Variants in NEXN observed in about 807,000 individuals in gnomAD.
The protein encoded by NEXN is nexilin F-actin binding protein, also known as nexilin.
Under a neutral mutation model 92.6 loss-of-function variants are expected in NEXN, and 65 were observed. The observed-to-expected ratio is 0.70, with a 90% CI of 0.57 to 0.86. The LOEUF is 0.86. NEXN is among the 40% of genes least tolerant of loss of function. The probability of loss-of-function intolerance (pLI) is 0.00; values close to 1 mark genes in which losing one functional copy is unlikely to be tolerated. For missense variants in NEXN, 778 were observed against 771.1 expected (o/e 1.01, Z -0.11); for synonymous variants, 254 against 242.5 (o/e 1.05, Z -0.44).
intron 1 of NEXN, among the ~76,000 whole-genome samples, chr1:77,905,133 G>C (rs932787086): frequency 3.3e-5 from 5 of 151,812 alleles, no homozygotes; most frequent in Non-Finnish European, 7.4e-5. Flanking sequence ...GTGGTGGTGC[G>C]TGCTTGTAGT....
intron 4 of NEXN, 42 bp from the exon 5 acceptor site, chr1:77,918,083 A>T (rs772246748): frequency 6.2e-7 from 1 of 1,612,870 alleles, no homozygotes; most frequent in Non-Finnish European, 8.5e-7. Context: ...TGCAAAATAG[A>T]AACATAACCA....
Position 77,942,703 on chromosome 1 carries a change from A to G in NEXN, c.1902A>G (p.Gly634=), listed in dbSNP as rs1402535699. The G allele has an allele frequency of 6.2e-7, 1 of 1,613,834 alleles. No individual in the cohort carries two copies. Among genetic ancestry groups the G allele is most frequent in the Non-Finnish European group, 8.5e-7 (1 of 1,179,768 alleles). ...DGEDYQYIER[G]ETYCLYLPET... is the part of the protein sequence containing the mutation. Reference sequence around the variant, plus strand: ...AAGACTATCAATATATTGAAAGGGGAGAAACTTACTGCCTTTACTTACCAG... The same window carrying G: ...AAGACTATCAATATATTGAAAGGGGGGAAACTTACTGCCTTTACTTACCAG... Residue 634 remains glycine (G), a synonymous_variant, in exon 13 of 13, where the codon GGA becomes GGG. Transcript: ENST00000334785.
chr1:77,908,698 G>A (rs1043270794), intron 1 of NEXN, among the ~76,000 whole-genome samples: 1 of 151,954 alleles, frequency 6.6e-6, no homozygotes, highest in African/African-American at 2.4e-5. Flanking sequence ...CCACAATTGT[G>A]TAAGTAATAC....
intron 5 of NEXN, 116 bp downstream of exon 5, chr1:77,918,389 G>T: frequency 8.1e-7 from 1 of 1,236,692 alleles, no homozygotes. Context: ...TTAAAAAGCA[G>T]CTAACCGTCT....
chr1:77,927,562 G>A (rs1267294408), intron 8 of NEXN, among the ~76,000 whole-genome samples: 2 of 151,966 alleles, frequency 1.3e-5, no homozygotes, highest in East Asian at 3.9e-4. Context: ...TTAAGTGTAT[G>A]TGTGTGCATA....
chr1:77,913,339 C>T (rs1188262581), intron 1 of NEXN, among the ~76,000 whole-genome samples: 18 of 151,324 alleles, frequency 1.2e-4, no homozygotes, highest in Admixed American at 3.9e-4. Context: ...TGCTTGAACC[C>T]GGGAGGCGGA....
In NEXN at chr1:77,943,243, A is replaced by C. The variant is rs1359518; in HGVS notation, c.*414A>C. 2.5e-3 allele frequency: 561 copies of C among 227,378 alleles called. 3 individuals carry two copies. Among genetic ancestry groups the C allele is most frequent in the Middle Eastern group, 0.011 (6 of 526 alleles). 14.1% of individuals were successfully genotyped at this position (227,378 alleles called of 1,614,324 possible). A position where few individuals can be genotyped will look rare whatever the true frequency, so the allele number is the denominator to read the frequency against. ...TATGTTTAAAAAACAAAAACAAAAA[A>C]AAAACACACAAACCTAAGTAGAATA... On this transcript the variant is annotated 3_prime_UTR_variant, in exon 13 of 13. Coordinates refer to ENST00000334785, the MANE Select transcript of NEXN (RefSeq NM_144573.4).
chr1:77,936,131 A>G (rs1571158200), intron 11 of NEXN, 87 bp downstream of exon 11: 2 of 1,015,300 alleles, frequency 2.0e-6, no homozygotes, highest in Non-Finnish European at 3.0e-6. Flanking sequence ...AATAAGTTTT[A>G]GTACTTAAAA....
At chr1:77,923,909 C>T (rs1649641814) in intron 5 of NEXN, among the ~76,000 whole-genome samples, 1 of 151,778 alleles carries the variant, frequency 6.6e-6, no homozygotes, top group African/African-American at 2.4e-5. Context: ...ATCTCTTGAC[C>T]TCGTGATCCG....
At chr1:77,904,449 G>A (rs74092327) in intron 1 of NEXN, among the ~76,000 whole-genome samples, 4,599 of 152,256 alleles carry the variant, frequency 0.03, 250 homozygotes, top group African/African-American at 0.11. Flanking sequence ...TTAAAATATA[G>A]TATAGACAGT....
intron 1 of NEXN, among the ~76,000 whole-genome samples, chr1:77,900,906 A>G (rs1383241384): frequency 1.2e-4 from 19 of 152,148 alleles, no homozygotes; most frequent in Admixed American, 1.2e-3. Context: ...AGGACATTGC[A>G]TCTGCCTACT....
chr1:77,940,879 A>G (rs1187774839), intron 11 of NEXN, among the ~76,000 whole-genome samples: 1 of 152,238 alleles, frequency 6.6e-6, no homozygotes, highest in African/African-American at 2.4e-5. Flanking sequence ...CTGAAGGTAA[A>G]TAATGGCACA....
Position 77,942,966 on chromosome 1 carries a change from A to C in NEXN, c.*137A>C. ...TCTTTCACTCCAACTTTCTTACTAC[A>C]TCCATCTTTTCTGTGGCGGGGCCAA... On this transcript the variant is annotated 3_prime_UTR_variant, in exon 13 of 13. Transcript: ENST00000334785. The C allele has an allele frequency of 8.1e-7, 1 of 1,234,118 alleles. No homozygotes were observed. The highest frequency in any genetic ancestry group is 1.2e-6 in the Non-Finnish European group (1 of 867,238). The allele number at this position is 1,234,118 out of a possible 1,614,324, so 76.4% of individuals were successfully genotyped here. A position where few individuals can be genotyped will look rare whatever the true frequency, so the allele number is the denominator to read the frequency against.
At chr1:77,893,597 G>T (rs534562056) in intron 1 of NEXN, among the ~76,000 whole-genome samples, 2 of 152,108 alleles carry the variant, frequency 1.3e-5, no homozygotes, top group Non-Finnish European at 2.9e-5. Context: ...TTATCTCTTT[G>T]TCATTCATTC....
intron 11 of NEXN, among the ~76,000 whole-genome samples, chr1:77,937,464 TG>T (rs1302990882): frequency 6.6e-6 from 1 of 152,020 alleles, no homozygotes; most frequent in Non-Finnish European, 1.5e-5. Context: ...CCGAGGTGGG[TG>T]GATCACCTGA....
At chr1:77,940,903 G>A (rs985699158) in intron 11 of NEXN, among the ~76,000 whole-genome samples, 3 of 152,004 alleles carry the variant, frequency 2.0e-5, no homozygotes, top group African/African-American at 4.8e-5. Flanking sequence ...TAGAATTTAC[G>A]CACCAGGTAG....
intron 5 of NEXN, 28 bp downstream of exon 5, chr1:77,918,301 G>A: frequency 6.2e-7 from 1 of 1,612,196 alleles, no homozygotes; most frequent in East Asian, 2.2e-5. Context: ...GTTCGTATTT[G>A]TTTCTGAAAC....
chr1:77,910,841 A>T (rs1280479093), intron 1 of NEXN, among the ~76,000 whole-genome samples: 1 of 151,432 alleles, frequency 6.6e-6, no homozygotes, highest in Non-Finnish European at 1.5e-5. Context: ...TTTAATTTTA[A>T]TTTTTTTTCT....
intron 1 of NEXN, among the ~76,000 whole-genome samples, chr1:77,906,643 G>A (rs1420296209): frequency 6.6e-6 from 1 of 151,994 alleles, no homozygotes; most frequent in Admixed American, 6.6e-5. Flanking sequence ...TTGTTCTAAA[G>A]TTGTTTTTTG....
Sources: gnomAD v4.1 joint callset for allele counts (sites outside exome capture counted in the v4.1 genomes callset) on GRCh38, gnomAD v4.1.1 for gene constraint, MANE v1.5 for transcripts, NCBI Gene and HGNC (gene_info 2026-07-23, HGNC 2026-07-21) for gene names.